CNTN4: variants seen among roughly 807,000 people sequenced by gnomAD.
The protein encoded by CNTN4 is contactin-4.
In CNTN4, 77 loss-of-function variants were observed where a neutral mutation model predicts 122.5. The ratio of observed to expected loss-of-function variants is 0.63; its 90% CI spans 0.52 to 0.76. CNTN4 has a LOEUF of 0.76. CNTN4 is among the 30% of genes least tolerant of loss of function. The pLI is 0.00. For missense variants in CNTN4, 1,256 were observed against 1,259.1 expected (o/e 1.00, Z 0.04); for synonymous variants, 512 against 447.0 (o/e 1.15, Z -1.83).
At chr3:2,211,051 A>G (rs2038594309) in intron 2 of CNTN4, among the ~76,000 whole-genome samples, 1 of 152,206 alleles carries the variant, frequency 6.6e-6, no homozygotes, top group African/African-American at 2.4e-5. Flanking sequence ...AAAGAGGTTT[A>G]ATTGGCTCAC....
At chr3:2,470,777 T>TA (rs1175086840) in intron 3 of CNTN4, among the ~76,000 whole-genome samples, 8 of 152,234 alleles carry the variant, frequency 5.3e-5, no homozygotes, top group African/African-American at 1.9e-4. Context: ...ATAGCATACT[T>TA]AGAGTTATGC....
intron 2 of CNTN4, among the ~76,000 whole-genome samples, chr3:2,188,358 G>A (rs1267158651): frequency 6.6e-6 from 1 of 152,142 alleles, no homozygotes; most frequent in African/African-American, 2.4e-5. Context: ...TGAAGGCCGT[G>A]TCCAAGTTGC....
At chr3:2,505,025 T>C (rs2076696328) in intron 3 of CNTN4, among the ~76,000 whole-genome samples, 1 of 152,132 alleles carries the variant, frequency 6.6e-6, no homozygotes. Context: ...ATTGGATCGA[T>C]TTGGAAAATT....
intron 3 of CNTN4, among the ~76,000 whole-genome samples, chr3:2,378,638 T>G (rs910545838): frequency 5.3e-5 from 8 of 152,172 alleles, no homozygotes; most frequent in African/African-American, 1.7e-4. Context: ...CCGTAGTACT[T>G]CAGGGAAACA....
chr3:2,398,500 T>C (rs1430984951), intron 3 of CNTN4, among the ~76,000 whole-genome samples: 2 of 152,114 alleles, frequency 1.3e-5, no homozygotes, highest in African/African-American at 4.8e-5. Context: ...ACTTTCTGTA[T>C]GAGAGATTGA....
chr3:2,450,209 A>G (rs1224202630), intron 3 of CNTN4, among the ~76,000 whole-genome samples: 1 of 152,062 alleles, frequency 6.6e-6, no homozygotes, highest in Non-Finnish European at 1.5e-5. Context: ...TCTACAAAAA[A>G]TACAGAAATT....
rs1553604628 is a variant in CNTN4 at position 2,225,155 on chromosome 3, A to ACCC, written c.-144-114020_-144-114018dup. Among the ~76,000 whole-genome samples, 299 of 148,594 alleles carry ACCC rather than the reference A, an allele frequency of 2.0e-3. 1 individual carries two copies. Among genetic ancestry groups the ACCC allele is most frequent in the Middle Eastern group, 0.014 (4 of 290 alleles). ...GACAGGGCGAGACTCTGTACCCACCACCCCCAAAAAAAAAGAAGTAATAAG... is the reference window on the plus strand; with the variant it reads ...GACAGGGCGAGACTCTGTACCCACCACCCCCCCCAAAAAAAAAGAAGTAATAAG... On this transcript the variant is annotated intron_variant, in intron 2 of 24. Coordinates refer to ENST00000418658, the MANE Select transcript of CNTN4 (RefSeq NM_175607.3).
chr3:2,610,491 G>T (rs1166141124), intron 4 of CNTN4, among the ~76,000 whole-genome samples: 1 of 152,040 alleles, frequency 6.6e-6, no homozygotes, highest in Non-Finnish European at 1.5e-5. Context: ...TAGCACCCTC[G>T]CCATTTCTGC....
At chr3:2,921,194 C>A (rs747678843) in intron 12 of CNTN4, among the ~76,000 whole-genome samples, 1 of 152,202 alleles carries the variant, frequency 6.6e-6, no homozygotes, top group Non-Finnish European at 1.5e-5. Context: ...TTCACCACTA[C>A]ACCTGGCTAA....
chr3:2,654,756 A>T (rs139342381), intron 4 of CNTN4, among the ~76,000 whole-genome samples: 4 of 152,260 alleles, frequency 2.6e-5, no homozygotes, highest in Middle Eastern at 3.4e-3. Context: ...TACCCTAGCA[A>T]ATACAGTTAG....
At chr3:2,528,228 G>T (rs1321412143) in intron 3 of CNTN4, among the ~76,000 whole-genome samples, 1 of 152,094 alleles carries the variant, frequency 6.6e-6, no homozygotes, top group Admixed American at 6.6e-5. Context: ...CATGGATGTT[G>T]TAGTCTTGAT....
chr3:2,450,267 TG>T (rs1418016357), intron 3 of CNTN4, among the ~76,000 whole-genome samples: 2 of 151,948 alleles, frequency 1.3e-5, no homozygotes, highest in Admixed American at 1.3e-4. Context: ...CTTGGGAGGC[TG>T]AGGCAGGAGG....
chr3:2,364,789 C>G (rs2150576933), intron 3 of CNTN4, among the ~76,000 whole-genome samples: 1 of 152,172 alleles, frequency 6.6e-6, no homozygotes, highest in Non-Finnish European at 1.5e-5. Flanking sequence ...GGAAAACATT[C>G]TATTGTTAAA....
At chr3:2,307,199 G>T (rs976007163) in intron 2 of CNTN4, among the ~76,000 whole-genome samples, 8 of 152,274 alleles carry the variant, frequency 5.3e-5, no homozygotes, top group Admixed American at 5.2e-4. Flanking sequence ...ACTTTGGGAG[G>T]CTGAGGCGGG....
At chr3:2,561,182 CTTTAG>C (rs985978792) in intron 3 of CNTN4, among the ~76,000 whole-genome samples, 93 of 152,164 alleles carry the variant, frequency 6.1e-4, no homozygotes, top group African/African-American at 2.0e-3. Flanking sequence ...TTTAGCTCTT[CTTTAG>C]TTTAGGTGAT....
At position 2,252,091 on chromosome 3, in the gene CNTN4, T is replaced by C. The variant is rs371435760; in HGVS notation, c.-144-87087T>C. Among the ~76,000 whole-genome samples, 25 of 152,072 alleles carry C rather than the reference T, an allele frequency of 1.6e-4. No individual in the cohort carries two copies. In the South Asian group the frequency reaches 3.5e-3, roughly 21 times the overall value. On this transcript the variant is annotated intron_variant, in intron 2 of 24. Coordinates refer to ENST00000418658, the MANE Select transcript of CNTN4 (RefSeq NM_175607.3). ...TGCTCAAACTCTACATTCACATTTA[T>C]AGGAATCAGGATATTGCCAGATACG... is the stretch of plus-strand genomic sequence containing the variant.
chr3:2,902,031 C>T (rs77726523), intron 11 of CNTN4, among the ~76,000 whole-genome samples: 13 of 152,244 alleles, frequency 8.5e-5, no homozygotes, highest in African/African-American at 3.1e-4. Context: ...ATTATCATTT[C>T]TGTGGGACAC....
chr3:2,522,116 T>G (rs1559633187), intron 3 of CNTN4, among the ~76,000 whole-genome samples: 1 of 151,694 alleles, frequency 6.6e-6, no homozygotes, highest in Non-Finnish European at 1.5e-5. Flanking sequence ...CTGACATCAT[T>G]AGATTTTATG....
intron 2 of CNTN4, among the ~76,000 whole-genome samples, chr3:2,115,399 T>C (rs1291287494): frequency 6.6e-6 from 1 of 152,218 alleles, no homozygotes; most frequent in East Asian, 1.9e-4. Flanking sequence ...TTCCCAAAGT[T>C]GGTTATTCTT....
Sources: allele counts gnomAD v4.1 joint callset (sites outside exome capture counted in the v4.1 genomes callset), GRCh38; gene constraint gnomAD v4.1.1; transcripts MANE v1.5; gene names NCBI Gene and HGNC (gene_info 2026-07-23, HGNC 2026-07-21).